CTNNA2: variants seen among roughly 807,000 people sequenced by gnomAD.
The protein encoded by CTNNA2 is catenin alpha-2.
In CTNNA2, 42 loss-of-function variants were observed where a neutral mutation model predicts 101.0. The observed-to-expected ratio is 0.42, with a 90% CI of 0.32 to 0.54. The LOEUF (loss-of-function observed/expected upper bound fraction) is 0.54. CTNNA2 is among the 20% of genes least tolerant of loss of function. The pLI, the probability that CTNNA2 is intolerant of heterozygous loss-of-function variation, is 0.14. For missense variants in CTNNA2, 871 were observed against 1,223.1 expected (o/e 0.71, Z 4.29); for synonymous variants, 450 against 456.4 (o/e 0.99, Z 0.18).
chr2:80,352,917 TAA>T (rs371879540), intron 7 of CTNNA2, among the ~76,000 whole-genome samples: 1,542 of 146,492 alleles, frequency 0.011, 34 homozygotes, highest in African/African-American at 0.036. Flanking sequence ...GAGGTTACTT[TAA>T]AAAAAAAAAA....
chr2:79,251,171 G>A (rs1481101528), intron 2 of CTNNA2, among the ~76,000 whole-genome samples: 2 of 152,140 alleles, frequency 1.3e-5, no homozygotes, highest in Non-Finnish European at 2.9e-5. Flanking sequence ...TTTGGGATGT[G>A]GTCAGCAAGA....
chr2:79,531,870 C>T (rs1225064163), intron 1 of CTNNA2, among the ~76,000 whole-genome samples: 3 of 152,006 alleles, frequency 2.0e-5, no homozygotes, highest in Admixed American at 6.6e-5. Flanking sequence ...TTAGCAGAGA[C>T]GGGGTTTCAC....
intron 7 of CTNNA2, among the ~76,000 whole-genome samples, chr2:80,024,109 GTC>G (rs1466477252): frequency 7.3e-6 from 1 of 136,604 alleles, no homozygotes; most frequent in Non-Finnish European, 1.6e-5. Context: ...AAAAAAAAAA[GTC>G]TATTAAGGTT....
At chr2:80,476,647 A>T (rs1486004907) in intron 9 of CTNNA2, among the ~76,000 whole-genome samples, 1 of 152,140 alleles carries the variant, frequency 6.6e-6, no homozygotes, top group East Asian at 1.9e-4. Context: ...CTCAGACGAC[A>T]ACCAGGCAGG....
chr2:79,698,210 C>A (rs921171137), intron 2 of CTNNA2, among the ~76,000 whole-genome samples: 121 of 151,868 alleles, frequency 8.0e-4, no homozygotes, highest in Non-Finnish European at 7.4e-5. Context: ...GATTTGTAAA[C>A]TATGTGTTTA....
At chr2:80,629,461 G>A (rs113361038) in intron 18 of CTNNA2, among the ~76,000 whole-genome samples, 1,561 of 152,292 alleles carry the variant, frequency 0.01, 17 homozygotes, top group Non-Finnish European at 0.017. Context: ...TCAGCTCTGA[G>A]AAGGGATCAG....
chr2:80,542,270 T>C (rs979398161), intron 9 of CTNNA2, among the ~76,000 whole-genome samples: 9 of 152,110 alleles, frequency 5.9e-5, no homozygotes, highest in African/African-American at 2.2e-4. Context: ...TATATTATAG[T>C]TTGTTTTTTC....
At position 80,587,323 on chromosome 2, in the gene CTNNA2, C is replaced by T. The variant is rs182690732; in HGVS notation, c.2008-1981C>T. 4.6e-3 allele frequency among the ~76,000 whole-genome samples: 704 copies of T among 152,080 alleles called. 11 individuals are homozygous for T. Among genetic ancestry groups the T allele is most frequent in the African/African-American group, 0.015 (637 of 41,450 alleles). ...TATTTGTAGATAGTTGCATAGACCC[C>T]GAGCCCATCCCTTTCCCTATAGCAA... On this transcript the variant is annotated intron_variant, in intron 14 of 18. Coordinates refer to ENST00000402739, the MANE Select transcript of CTNNA2 (RefSeq NM_001282597.3).
chr2:80,547,683 ACTT>A (rs1320494719), intron 11 of CTNNA2, among the ~76,000 whole-genome samples: 1 of 89,880 alleles, frequency 1.1e-5, no homozygotes, highest in African/African-American at 6.0e-5. Flanking sequence ...ATATATTGTC[ACTT>A]CTGCTTTTTT....
At chr2:79,259,740 C>T (rs557291424) in intron 2 of CTNNA2, among the ~76,000 whole-genome samples, 122 of 152,218 alleles carry the variant, frequency 8.0e-4, no homozygotes, top group African/African-American at 2.8e-3. Flanking sequence ...GACCTTTTAA[C>T]CACAGCTGCA....
intron 4 of CTNNA2, among the ~76,000 whole-genome samples, chr2:79,435,511 G>A (rs1317050647): frequency 6.6e-6 from 1 of 152,194 alleles, no homozygotes; most frequent in Non-Finnish European, 1.5e-5. Flanking sequence ...TCAAGTTGCT[G>A]TGTGAGGAGA....
At chr2:80,167,095 G>A (rs1380159751) in intron 7 of CTNNA2, among the ~76,000 whole-genome samples, 13 of 151,462 alleles carry the variant, frequency 8.6e-5, no homozygotes, top group Non-Finnish European at 1.5e-5. Flanking sequence ...CTTAGCAGGA[G>A]GAATAGGAAA....
intron 7 of CTNNA2, among the ~76,000 whole-genome samples, chr2:80,132,097 A>G (rs564976769): frequency 2.0e-5 from 3 of 152,272 alleles, no homozygotes; most frequent in South Asian, 2.1e-4. Flanking sequence ...ACATGTATAT[A>G]TAAATATATC....
chr2:80,416,944 A>G (rs1452394774), intron 8 of CTNNA2, among the ~76,000 whole-genome samples: 2 of 151,938 alleles, frequency 1.3e-5, no homozygotes, highest in East Asian at 3.9e-4. Context: ...AATCTTTACT[A>G]TTAAAAAGTC....
rs193227008 is a variant in CTNNA2 at position 80,017,578 on chromosome 2, G to A, written c.1056+107781G>A. On this transcript the variant is annotated intron_variant, in intron 7 of 18. Coordinates refer to ENST00000402739, the MANE Select transcript of CTNNA2 (RefSeq NM_001282597.3). ...TAAAAAGTACTGATGCCTATGTCCC[G>A]CCCCCAGATAATCTTATTTAATTGA... 3.2e-3 allele frequency among the ~76,000 whole-genome samples: 483 copies of A among 151,738 alleles called. 3 individuals carry two copies. Among genetic ancestry groups the A allele is most frequent in the Middle Eastern group, 0.017 (5 of 292 alleles).
At chr2:80,382,923 ATG>A (rs547580704) in intron 7 of CTNNA2, among the ~76,000 whole-genome samples, 2 of 152,112 alleles carry the variant, frequency 1.3e-5, no homozygotes, top group African/African-American at 4.8e-5. Flanking sequence ...CAGTTTGGGT[ATG>A]TGTGTGTGTA....
At chr2:79,294,620 T>C (rs970659941) in intron 2 of CTNNA2, among the ~76,000 whole-genome samples, 5 of 152,178 alleles carry the variant, frequency 3.3e-5, no homozygotes, top group African/African-American at 1.2e-4. Flanking sequence ...GGTTAAAATA[T>C]AAGTGGTGTC....
chr2:79,763,458 A>G (rs1672937013), intron 3 of CTNNA2, among the ~76,000 whole-genome samples: 1 of 151,914 alleles, frequency 6.6e-6, no homozygotes, highest in Non-Finnish European at 1.5e-5. Flanking sequence ...TATGATTTGT[A>G]TGTTTTTTTC....
intron 7 of CTNNA2, among the ~76,000 whole-genome samples, chr2:80,331,251 C>T (rs1029304432): frequency 3.5e-4 from 53 of 152,150 alleles, no homozygotes; most frequent in African/African-American, 1.0e-3. Context: ...TGCGGTACCA[C>T]GCCAGACATA....
Sources: allele counts gnomAD v4.1 joint callset (sites outside exome capture counted in the v4.1 genomes callset), GRCh38; gene constraint gnomAD v4.1.1; transcripts MANE v1.5; gene names NCBI Gene and HGNC (gene_info 2026-07-23, HGNC 2026-07-21).